CPLX3: variants seen among roughly 807,000 people sequenced by gnomAD.
The protein encoded by CPLX3 is complexin 3.
In CPLX3, 12 loss-of-function variants were observed where a neutral mutation model predicts 17.2. That is an observed-to-expected ratio of 0.70 (90% CI 0.45 to 1.13). CPLX3 has a LOEUF of 1.13. CPLX3 is among the 50% of genes most tolerant of loss of function. The probability of loss-of-function intolerance (pLI) is 0.00; values close to 1 mark genes in which losing one functional copy is unlikely to be tolerated. For missense variants in CPLX3, 172 were observed against 203.2 expected (o/e 0.85, Z 0.93); for synonymous variants, 75 against 79.4 (o/e 0.94, Z 0.29).
intron 1 of CPLX3, 34 bp from the exon 2 acceptor site, chr15:74,828,000 C>T (rs1477672117): frequency 1.3e-6 from 2 of 1,554,884 alleles, no homozygotes; most frequent in Non-Finnish European, 1.8e-6. Flanking sequence ...TTCTCTCAGC[C>T]CTCGTGGTGA....
chr15:74,829,158 T>A (rs1018438916), intron 2 of CPLX3, among the ~76,000 whole-genome samples: 1 of 152,182 alleles, frequency 6.6e-6, no homozygotes, highest in Admixed American at 6.5e-5. Flanking sequence ...GAAAAACCGG[T>A]CCAGAAAGCC....
intron 2 of CPLX3, 91 bp downstream of exon 2, chr15:74,828,212 CTA>C: frequency 1.1e-6 from 1 of 932,018 alleles, no homozygotes; most frequent in South Asian, 1.4e-5. Flanking sequence ...CAGCCCTCAG[CTA>C]TGAGACTCAC....
rs947493873 is a variant in CPLX3, at chr15:74,831,639, CTT to C, written c.*1287_*1288del. 2 of 152,240 alleles carry C rather than the reference CTT, an allele frequency of 1.3e-5. No individual in the cohort carries two copies. Among genetic ancestry groups the C allele is most frequent in the Admixed American group, 1.3e-4 (2 of 15,278 alleles). 9.4% of individuals were successfully genotyped at this position (152,240 alleles called of 1,614,324 possible). A position where few individuals can be genotyped will look rare whatever the true frequency, so the allele number is the denominator to read the frequency against. The stretch of plus-strand genomic sequence containing the variant: ...GCATTCCAGCCCCACACTGTGATGA[CTT>C]TGAGCCTGTCCTTTCCCTCCTTGAG... On this transcript the variant is annotated 3_prime_UTR_variant, in exon 3 of 3. Transcript: ENST00000395018.
At chr15:74,830,080 C>A in intron 2 of CPLX3, 50 bp from the exon 3 acceptor site, 2 of 1,435,702 alleles carry the variant, frequency 1.4e-6, no homozygotes, top group Non-Finnish European at 2.0e-6. Context: ...AACTCTGGGT[C>A]CTCACAGACT....
Position 74,831,185 on chromosome 15 carries a change from C to T in CPLX3, c.*831C>T, listed in dbSNP as rs1031782461. 1.3e-5 allele frequency: 2 copies of T among 152,690 alleles called. No individual in the cohort carries two copies. Among genetic ancestry groups the T allele is most frequent in the African/African-American group, 4.8e-5 (2 of 41,470 alleles). The allele number at this position is 152,690 out of a possible 1,614,324, so 9.5% of individuals were successfully genotyped here. A position where few individuals can be genotyped will look rare whatever the true frequency, so the allele number is the denominator to read the frequency against. ...GTAGAACGCTCTCTGGATTCCATAGCTGGAATCTCCTCTCTTAGCTCAGTG... is the reference window on the plus strand; with the variant it reads ...GTAGAACGCTCTCTGGATTCCATAGTTGGAATCTCCTCTCTTAGCTCAGTG... On this transcript the variant is annotated 3_prime_UTR_variant, in exon 3 of 3. Coordinates refer to ENST00000395018, the MANE Select transcript of CPLX3 (RefSeq NM_001030005.3).
chr15:74,828,537 G>C (rs569952807), intron 2 of CPLX3, among the ~76,000 whole-genome samples: 1 of 152,212 alleles, frequency 6.6e-6, no homozygotes, highest in South Asian at 2.1e-4. Flanking sequence ...TACTTAAGGT[G>C]GGGGAGAGAA....
intron 1 of CPLX3, 131 bp from the exon 2 acceptor site, chr15:74,827,903 A>C: frequency 1.4e-6 from 1 of 699,312 alleles, no homozygotes; most frequent in South Asian, 1.8e-5. Context: ...TCCGGGTTGG[A>C]GCGCTTTTGC....
At chr15:74,827,982 C>A in intron 1 of CPLX3, 52 bp from the exon 2 acceptor site, 1 of 1,473,174 alleles carries the variant, frequency 6.8e-7, no homozygotes, top group Non-Finnish European at 9.3e-7. Context: ...TCGAAGACCT[C>A]AACCCCCTTC....
Position 74,830,386 on chromosome 15 carries a change from C to G in CPLX3, c.*32C>G. ...CCCCGGGGTTACCCACTGGGCTGGG[C>G]CCCCATGAGGGCTAAGAGTGTGTCA... On this transcript the variant is annotated 3_prime_UTR_variant, in exon 3 of 3. Coordinates refer to ENST00000395018, the MANE Select transcript of CPLX3 (RefSeq NM_001030005.3). The G allele has an allele frequency of 6.4e-7, 1 of 1,559,510 alleles. No individual in the cohort carries two copies.
At position 74,830,406 on chromosome 15, in the gene CPLX3, G is replaced by A. The variant is rs924826574; in HGVS notation, c.*52G>A. ...CTGGGCCCCCATGAGGGCTAAGAGT[G>A]TGTCAACTTCCAGGGACCCATACTC... On this transcript the variant is annotated 3_prime_UTR_variant, in exon 3 of 3. Coordinates refer to ENST00000395018, the MANE Select transcript of CPLX3 (RefSeq NM_001030005.3). 7.5e-6 allele frequency: 11 copies of A among 1,459,124 alleles called. No individual in the cohort carries two copies. Among genetic ancestry groups the A allele is most frequent in the African/African-American group, 1.4e-5 (1 of 71,556 alleles). The allele number at this position is 1,459,124 out of a possible 1,614,324, so 90.4% of individuals were successfully genotyped here.
chr15:74,826,932 T>A lies in CPLX3; in HGVS notation c.164+65T>A. The stretch of plus-strand genomic sequence containing the variant: ...CCCACCCCCACAGCTGCTCAGTCCA[T>A]CCCCGGGCCAGCCTCAGGTCCCAAT... On this transcript the variant is annotated intron_variant, in intron 1 of 2. Transcript: ENST00000395018. This position sits in a 1 kb window ranked among gnomAD's most constrained non-coding sequence, Gnocchi z 5.0. The A allele has an allele frequency of 6.9e-7, 1 of 1,443,746 alleles. No homozygotes were observed. Among genetic ancestry groups the A allele is most frequent in the Non-Finnish European group, 9.4e-7 (1 of 1,062,436 alleles). The allele number at this position is 1,443,746 out of a possible 1,614,324, so 89.4% of individuals were successfully genotyped here.
chr15:74,830,717 A>C lies in CPLX3; in HGVS notation c.*363A>C, dbSNP rs745587578. ...TGGCACGTTCAGAGACAGAAGCCACAGATACATCCCGGCACAGACAGACAC... is the reference window on the plus strand; with the variant it reads ...TGGCACGTTCAGAGACAGAAGCCACCGATACATCCCGGCACAGACAGACAC... On this transcript the variant is annotated 3_prime_UTR_variant, in exon 3 of 3. Transcript: ENST00000395018. 19 of 212,842 alleles carry C rather than the reference A, an allele frequency of 8.9e-5. No individual in the cohort carries two copies. Among genetic ancestry groups the C allele is most frequent in the Non-Finnish European group, 1.5e-4 (16 of 104,132 alleles). The allele number at this position is 212,842 out of a possible 1,614,324, so 13.2% of individuals were successfully genotyped here. A position where few individuals can be genotyped will look rare whatever the true frequency, so the allele number is the denominator to read the frequency against.
chr15:74,830,171 C>A lies in CPLX3; in HGVS notation c.294C>A (p.Asp98Glu), dbSNP rs143709534. Residue 98 changes from aspartate to glutamate, a missense_variant, in exon 3 of 3, where the codon GAC (aspartate) becomes GAA (glutamate). By Grantham distance (45) the Asp-to-Glu change is conservative. Coordinates refer to ENST00000395018, the MANE Select transcript of CPLX3 (RefSeq NM_001030005.3). Reference protein sequence around the residue: ...DESQIQMAGGDVELPRELAKM... With the variant: ...DESQIQMAGGEVELPRELAKM... The stretch of plus-strand genomic sequence containing the variant: ...GCCAGATCCAGATGGCAGGTGGAGA[C>A]GTGGAGCTGCCCCGGGAGCTGGCCA... 36 of 1,613,708 alleles carry A rather than the reference C, an allele frequency of 2.2e-5. No individual in the cohort carries two copies. Among genetic ancestry groups the A allele is most frequent in the South Asian group, 1.1e-5 (1 of 91,072 alleles).
At chr15:74,827,572 C>T (rs992756031) in intron 1 of CPLX3, among the ~76,000 whole-genome samples, 6 of 152,218 alleles carry the variant, frequency 3.9e-5, no homozygotes, top group East Asian at 1.9e-4. Flanking sequence ...GCTATTATTT[C>T]GCTCAATCCT....
rs777354089 is a variant in CPLX3 at position 74,828,098 on chromosome 15, C to T, written c.229C>T (p.Arg77Ter). 32 of 1,601,498 alleles carry T rather than the reference C, an allele frequency of 2.0e-5. No homozygotes were observed. In the South Asian group the frequency reaches 2.8e-4, roughly 14 times the overall value. ...AERATLRSHFRDKYRLPKNET... is the reference protein window; with the variant it reads ...AERATLRSHF The stretch of plus-strand genomic sequence containing the variant: ...GCGGGCCACACTGCGGAGCCACTTC[C>T]GAGACAAATACCGGCTACCCAAGGT... The change falls in exon 2 of 3, where the codon CGA (arginine) becomes TGA (stop). Residue 77 changes from arginine to a stop codon, truncating the protein, a stop_gained. Transcript: ENST00000395018. LOFTEE classifies it high-confidence loss of function.
chr15:74,827,248 G>A (rs2063947943), intron 1 of CPLX3, among the ~76,000 whole-genome samples: 1 of 152,210 alleles, frequency 6.6e-6, no homozygotes, highest in Non-Finnish European at 1.5e-5. Context: ...AAGTGGTGCA[G>A]CCGCTCAGAG....
chr15:74,828,523 AACTT>A (rs2063953988), intron 2 of CPLX3, among the ~76,000 whole-genome samples: 1 of 152,188 alleles, frequency 6.6e-6, no homozygotes, highest in Non-Finnish European at 1.5e-5. Flanking sequence ...TGAAGGGCAG[AACTT>A]ACTTAAGGTG....
At position 74,830,298 on chromosome 15, in the gene CPLX3, G is replaced by T. The variant is rs372733021; in HGVS notation, c.421G>T (p.Ala141Ser). The change falls in exon 3 of 3, where the codon GCC becomes TCC. Residue 141 changes from alanine (A) to serine (S), a missense_variant. Transcript: ENST00000395018. ...GLNLGSLKDK[A>S]QATLGDLKQS... The stretch of plus-strand genomic sequence containing the variant: ...GAACCTGGGCTCACTCAAGGACAAG[G>T]CCCAGGCCACACTGGGGGATCTCAA... 3.7e-6 allele frequency: 6 copies of T among 1,613,754 alleles called. No homozygotes were observed. The highest frequency in any genetic ancestry group is 4.2e-6 in the Non-Finnish European group (5 of 1,180,062).
rs2063944735 is a variant in CPLX3 at position 74,826,749 on chromosome 15, C to T, written c.46C>T (p.Leu16Phe). ...CATGGTGGGCGGCCAGCTGAAGAAC[C>T]TCACTGGGAGCCTGGGAGGCGGCGA... ...KTMVGGQLKN[L>F]TGSLGGGEDK... Residue 16 changes from leucine to phenylalanine, a missense_variant, in exon 1 of 3, where the codon CTC becomes TTC. Leu to Phe is a conservative substitution (Grantham distance 22). Transcript: ENST00000395018. The surrounding 1 kb of genome is among the most constrained non-coding windows in gnomAD (Gnocchi z 5.0). 5 of 1,611,174 alleles carry T rather than the reference C, an allele frequency of 3.1e-6. No homozygotes were observed. Among genetic ancestry groups the T allele is most frequent in the Non-Finnish European group, 4.2e-6 (5 of 1,178,636 alleles).
Sources: gnomAD v4.1 joint callset for allele counts (sites outside exome capture counted in the v4.1 genomes callset) on GRCh38, gnomAD v4.1.1 for gene constraint, Gnocchi (gnomAD v3.1) non-coding constraint, MANE v1.5 for transcripts, NCBI Gene and HGNC (gene_info 2026-07-23, HGNC 2026-07-21) for gene names.